Variants in METTL16 observed in about 807,000 individuals in gnomAD.
METTL16 encodes the protein RNA N(6)-adenosine-methyltransferase METTL16.
Under a neutral mutation model 57.9 loss-of-function variants are expected in METTL16, and 19 were observed. The ratio of observed to expected loss-of-function variants is 0.33; its 90% CI spans 0.23 to 0.48. The LOEUF (loss-of-function observed/expected upper bound fraction) is 0.48, where lower values mean the gene tolerates loss of function less well. Ranked by LOEUF, METTL16 falls within the 20% of genes least tolerant of loss-of-function variation. The pLI, the probability that METTL16 is intolerant of heterozygous loss-of-function variation, is 0.99. For synonymous variants in METTL16, 246 were observed against 255.6 expected, an observed-to-expected ratio of 0.96 and a Z score of 0.36; for missense variants, 434 against 691.5, an observed-to-expected ratio of 0.63 and a Z score of 4.18.
chr17:2,480,373 T>A (rs1337290254), intron 2 of METTL16, among the ~76,000 whole-genome samples: 1 of 151,876 alleles, frequency 6.6e-6, no homozygotes, highest in Non-Finnish European at 1.5e-5. Flanking sequence ...GACACTAACT[T>A]ATAGGGAGGA....
At chr17:2,474,394 A>AG (rs2067255851) in intron 3 of METTL16, among the ~76,000 whole-genome samples, 2 of 150,894 alleles carry the variant, frequency 1.3e-5, no homozygotes, top group African/African-American at 4.9e-5. Flanking sequence ...AAGAAAAAAA[A>AG]AAAAAAAAAA....
intron 1 of METTL16, among the ~76,000 whole-genome samples, chr17:2,507,492 G>A (rs1443218993): frequency 6.7e-5 from 10 of 148,512 alleles, no homozygotes; most frequent in African/African-American, 2.0e-4. Flanking sequence ...CGCCCTGTCC[G>A]GGAGGGAGGT....
At chr17:2,440,126 G>A (rs1403591046) in intron 7 of METTL16, among the ~76,000 whole-genome samples, 2 of 152,196 alleles carry the variant, frequency 1.3e-5, no homozygotes, top group African/African-American at 4.8e-5. Context: ...GCGTGGTGGT[G>A]TGTGCCAACA....
chr17:2,457,667 C>T (rs1043553985), intron 6 of METTL16, among the ~76,000 whole-genome samples: 19 of 150,916 alleles, frequency 1.3e-4, no homozygotes, highest in African/African-American at 2.4e-4. Context: ...GCTAAAATCA[C>T]GCCACTGCAC....
chr17:2,453,471 G>A (rs1457823998), intron 6 of METTL16, among the ~76,000 whole-genome samples: 1 of 152,162 alleles, frequency 6.6e-6, no homozygotes, highest in Non-Finnish European at 1.5e-5. Context: ...GGATTCAGAT[G>A]ACACATTTCT....
At chr17:2,440,094 T>C (rs962098654) in intron 7 of METTL16, among the ~76,000 whole-genome samples, 1 of 152,134 alleles carries the variant, frequency 6.6e-6, no homozygotes, top group Non-Finnish European at 1.5e-5. Context: ...TTGTTTCTAC[T>C]AAAAATTTAA....
intron 3 of METTL16, among the ~76,000 whole-genome samples, chr17:2,474,423 T>G (rs1043679316): frequency 1.6e-5 from 2 of 123,338 alleles, no homozygotes; most frequent in African/African-American, 3.0e-5. Context: ...ACTAAAGAGA[T>G]AACTCATCTC....
chr17:2,447,077 G>A (rs1390240359), intron 6 of METTL16, among the ~76,000 whole-genome samples: 1 of 146,460 alleles, frequency 6.8e-6, no homozygotes, highest in Non-Finnish European at 1.5e-5. Flanking sequence ...CTGCCTGGCT[G>A]CCCAGTCTGG....
rs58486923 is a variant in METTL16, at chr17:2,423,261, GGTGTGTGTGTGTGTGTGTGTGT to G, written c.889-2379_889-2358del. On this transcript the variant is annotated intron_variant, in intron 8 of 9. Transcript: ENST00000263092. ...TGTTAGGGAAGGATAAAAAACAAAG[GGTGTGTGTGTGTGTGTGTGTGT>G]GTGTGTGTGTGTGTGTGTGTTTGAA... is the stretch of plus-strand genomic sequence containing the variant. Among the ~76,000 whole-genome samples, 36 of 143,706 alleles carry G rather than the reference GGTGTGTGTGTGTGTGTGTGTGT, an allele frequency of 2.5e-4. No homozygotes were observed. In the South Asian group the frequency reaches 4.8e-3, roughly 19 times the overall value. 94.3% of individuals were successfully genotyped at this position (143,706 alleles called of 152,430 possible).
At chr17:2,466,195 A>C (rs36086895) in intron 5 of METTL16, among the ~76,000 whole-genome samples, 36 of 72,804 alleles carry the variant, frequency 4.9e-4, no homozygotes, top group African/African-American at 2.2e-3. Flanking sequence ...CTCTGTCACA[A>C]AAAAAAAAAA....
chr17:2,431,327 A>C (rs2066872689), intron 8 of METTL16, among the ~76,000 whole-genome samples: 1 of 152,218 alleles, frequency 6.6e-6, no homozygotes, highest in South Asian at 2.1e-4. Flanking sequence ...ATTACTGTTT[A>C]GTTTCCATCT....
chr17:2,442,598 TG>T (rs2066961367), intron 6 of METTL16, among the ~76,000 whole-genome samples: 1 of 151,864 alleles, frequency 6.6e-6, no homozygotes, highest in Non-Finnish European at 1.5e-5. Context: ...CAAATTTTCT[TG>T]AAGTCAAGAA....
intron 5 of METTL16, among the ~76,000 whole-genome samples, chr17:2,464,989 CAA>C (rs1567895277): frequency 6.6e-6 from 1 of 152,172 alleles, no homozygotes; most frequent in Non-Finnish European, 1.5e-5. Context: ...AGTGAGAAGA[CAA>C]CCCACAGGAA....
Position 2,447,370 on chromosome 17 carries a change from G to C in METTL16, c.729-5811C>G, listed in dbSNP as rs1208377218. Among the ~76,000 whole-genome samples, 6 of 137,568 alleles carry C rather than the reference G, an allele frequency of 4.4e-5. No individual in the cohort carries two copies. In the East Asian group the frequency reaches 1.0e-3, roughly 23 times the overall value. 90.2% of individuals were successfully genotyped at this position (137,568 alleles called of 152,430 possible). On this transcript the variant is annotated intron_variant, in intron 6 of 9. Transcript: ENST00000263092. ...AACCGCCCCGTCTGAGAAGTGAGGA[G>C]CCCCTCCGTCCAGCAGCCACCCCGT...
At chr17:2,441,717 A>C (rs752655687) in intron 6 of METTL16, among the ~76,000 whole-genome samples, 158 bp from the exon 7 acceptor site, 2 of 152,224 alleles carry the variant, frequency 1.3e-5, no homozygotes, top group Non-Finnish European at 2.9e-5. Context: ...TATTTCGACA[A>C]AGACCAAATC....
chr17:2,423,088 G>A (rs1347357458), intron 8 of METTL16, among the ~76,000 whole-genome samples: 3 of 152,120 alleles, frequency 2.0e-5, no homozygotes, highest in Middle Eastern at 3.2e-3. Flanking sequence ...CATTCCAGTC[G>A]TACCTGGCCA....
intron 3 of METTL16, among the ~76,000 whole-genome samples, chr17:2,474,675 C>T (rs895710266): frequency 4.6e-5 from 7 of 152,232 alleles, no homozygotes; most frequent in African/African-American, 1.7e-4. Context: ...CCTGTAGTCC[C>T]AGCACTTTGG....
chr17:2,428,594 T>A (rs2066843004), intron 8 of METTL16, among the ~76,000 whole-genome samples: 1 of 50,004 alleles, frequency 2.0e-5, no homozygotes, highest in Non-Finnish European at 3.2e-5. Flanking sequence ...TATATATATA[T>A]ATATATATAA....
chr17:2,495,694 C>CAAA (rs58828846), intron 2 of METTL16, among the ~76,000 whole-genome samples: 1 of 114,782 alleles, frequency 8.7e-6, no homozygotes, highest in African/African-American at 3.4e-5. Flanking sequence ...GACTCTGTCT[C>CAAA]AAAAAAAAAA....
Sources: allele counts gnomAD v4.1 joint callset (sites outside exome capture counted in the v4.1 genomes callset), GRCh38; gene constraint gnomAD v4.1.1; transcripts MANE v1.5; gene names NCBI Gene and HGNC (gene_info 2026-07-23, HGNC 2026-07-21).